The following ELF1 variants were observed in gnomAD, a reference collection of about 807,000 sequenced individuals.
ELF1 encodes the protein ETS-related transcription factor Elf-1.
Under a neutral mutation model 59.9 loss-of-function variants are expected in ELF1, and 24 were observed. The ratio of observed to expected loss-of-function variants is 0.40; its 90% confidence interval spans 0.29 to 0.56. The LOEUF (loss-of-function observed/expected upper bound fraction) is 0.56. Among genes scored for constraint, ELF1 ranks in the 20% least tolerant of loss-of-function variants. The probability of loss-of-function intolerance (pLI) is 0.44; values close to 1 mark genes in which losing one functional copy is unlikely to be tolerated. For synonymous variants in ELF1, 248 were observed against 266.2 expected, an observed-to-expected ratio of 0.93 and a Z score of 0.67; for missense variants, 627 against 742.2, an observed-to-expected ratio of 0.84 and a Z score of 1.80.
intron 3 of ELF1, among the ~76,000 whole-genome samples, chr13:40,953,879 C>T (rs529975654): frequency 4.6e-5 from 7 of 152,322 alleles, no homozygotes; most frequent in African/African-American, 1.4e-4. Flanking sequence ...AAAACACAAA[C>T]AGAGAATCTG....
At chr13:40,954,754 A>T (rs9566635) in intron 3 of ELF1, among the ~76,000 whole-genome samples, 61,476 of 149,486 alleles carry the variant, frequency 0.41, 14,441 homozygotes, top group East Asian at 0.76. Flanking sequence ...TCAGTGCTCA[A>T]TGGTGCCCAG....
At chr13:41,024,906 CCTAA>C (rs1398860060) in intron 1 of ELF1, among the ~76,000 whole-genome samples, 4 of 152,144 alleles carry the variant, frequency 2.6e-5, no homozygotes, top group East Asian at 1.9e-4. Flanking sequence ...ACAGTCTCCT[CCTAA>C]CTGACAGAAT....
intron 2 of ELF1, among the ~76,000 whole-genome samples, chr13:40,974,258 C>T (rs1234122637): frequency 6.6e-6 from 1 of 152,074 alleles, no homozygotes. Context: ...TGTAATTATA[C>T]TAATTAGCTA....
At chr13:41,044,598 T>C (rs187125055) in intron 1 of ELF1, among the ~76,000 whole-genome samples, 63 of 152,348 alleles carry the variant, frequency 4.1e-4, no homozygotes, top group Non-Finnish European at 1.2e-4. Flanking sequence ...ATTACGTTTA[T>C]TGATTTGCTT....
intron 1 of ELF1, among the ~76,000 whole-genome samples, chr13:41,013,406 T>C (rs1366483131): frequency 2.6e-5 from 4 of 152,104 alleles, no homozygotes. Flanking sequence ...TGGAATACTA[T>C]ATTGCAACGA....
rs139480978 is a variant in ELF1, at chr13:41,015,894, G to A, written c.-229+3334C>T. 1.5e-3 allele frequency among the ~76,000 whole-genome samples: 227 copies of A among 152,098 alleles called. 1 individual carries two copies. Among genetic ancestry groups the A allele is most frequent in the African/African-American group, 4.9e-3 (204 of 41,450 alleles). On this transcript the variant is annotated intron_variant, in intron 1 of 8. Transcript: ENST00000239882. Reference sequence around the variant, plus strand: ...AATACCTGTCTACTCATATGTGCTTGGTACTTTGTCAAAGGTTGAAAAAGA... The same window carrying A: ...AATACCTGTCTACTCATATGTGCTTAGTACTTTGTCAAAGGTTGAAAAAGA...
At position 40,940,934 on chromosome 13, in the gene ELF1, C is replaced by A; in HGVS notation, c.1243G>T (p.Val415Phe). The change falls in exon 8 of 9, where the codon GTT (valine) becomes TTT (phenylalanine). Residue 415 changes from valine (V) to phenylalanine (F), a missense_variant. Around this residue, in one of 3 missense-constraint regions of ELF1, gnomAD observed 361 missense variants for 396.1 expected, o/e 0.91. Transcript: ENST00000239882. ...TGGTTTTCTCACCTAATACTCTGAA[C>A]GGAAGAATTTAATGTTTCATCCTGC... ...TMQDETLNSS[V>F]QSIRTIQAPT... 3.7e-6 allele frequency: 6 copies of A among 1,612,290 alleles called. No individual in the cohort carries two copies. The highest frequency in any genetic ancestry group is 5.1e-6 in the Non-Finnish European group (6 of 1,179,000).
upstream of ELF1, among the ~76,000 whole-genome samples, chr13:41,022,479 G>A (rs551700208): frequency 6.6e-6 from 1 of 152,262 alleles, no homozygotes; most frequent in African/African-American, 2.4e-5. Flanking sequence ...CTTGACTGTG[G>A]TACCGGTATA....
At chr13:41,029,753 T>C (rs1051348155) in intron 1 of ELF1, among the ~76,000 whole-genome samples, 3 of 152,182 alleles carry the variant, frequency 2.0e-5, no homozygotes, top group Admixed American at 1.3e-4. Flanking sequence ...GCACCATCAA[T>C]TGGCTAAGGA....
chr13:41,012,013 A>T (rs1848380366), intron 1 of ELF1, among the ~76,000 whole-genome samples: 1 of 152,134 alleles, frequency 6.6e-6, no homozygotes, highest in African/African-American at 2.4e-5. Flanking sequence ...TACAGATAAA[A>T]ATGTATTATG....
At chr13:40,963,176 C>T (rs1193418096) in intron 2 of ELF1, among the ~76,000 whole-genome samples, 1 of 152,178 alleles carries the variant, frequency 6.6e-6, no homozygotes, top group African/African-American at 2.4e-5. Flanking sequence ...AAGTCATAAA[C>T]CTAACTTGAA....
chr13:41,009,575 G>T (rs369851890), intron 1 of ELF1, among the ~76,000 whole-genome samples: 1 of 152,118 alleles, frequency 6.6e-6, no homozygotes, highest in East Asian at 1.9e-4. Flanking sequence ...AAAACACAGG[G>T]GGGCTATTTG....
chr13:41,047,119 T>G (rs1421840921), intron 1 of ELF1, among the ~76,000 whole-genome samples: 1 of 152,260 alleles, frequency 6.6e-6, no homozygotes, highest in African/African-American at 2.4e-5. Context: ...GCCATGGTTT[T>G]CAGCTCCATC....
At chr13:41,051,934 CTTTTTTTTTTT>C (rs757348738) in intron 1 of ELF1, among the ~76,000 whole-genome samples, 1 of 127,250 alleles carries the variant, frequency 7.9e-6, no homozygotes, top group Non-Finnish European at 1.7e-5. Flanking sequence ...TTCTTTTTCT[CTTTTTTTTTTT>C]TTTTTTTTTG....
At chr13:40,955,752 CGCCCCGTCCGGG>C (rs1871327332) in intron 3 of ELF1, among the ~76,000 whole-genome samples, 3 of 128,732 alleles carry the variant, frequency 2.3e-5, no homozygotes, top group Non-Finnish European at 5.1e-5. Flanking sequence ...CCCGGCCAGC[CGCCCCGTCCGGG>C]AGGGAGGCGG....
At chr13:41,023,046 C>T (rs1259708836), upstream of ELF1, among the ~76,000 whole-genome samples, 1 of 152,134 alleles carries the variant, frequency 6.6e-6, no homozygotes, top group Non-Finnish European at 1.5e-5. Context: ...TGGATCAAGT[C>T]AGTATATACC....
chr13:41,020,905 TAA>T (rs1359578093), upstream of ELF1, among the ~76,000 whole-genome samples: 6 of 152,108 alleles, frequency 3.9e-5, no homozygotes, highest in East Asian at 1.2e-3. Context: ...CTGTAACAGG[TAA>T]AAGAGGGCAA....
intron 2 of ELF1, among the ~76,000 whole-genome samples, chr13:40,966,721 T>C (rs144646752): frequency 2.9e-3 from 445 of 152,310 alleles, no homozygotes; most frequent in African/African-American, 0.01. Flanking sequence ...GTTTACCAAG[T>C]TTCTCTAATA....
chr13:40,993,006 T>G, intron 1 of ELF1: 2 of 1,370,660 alleles, frequency 1.5e-6, no homozygotes, highest in Non-Finnish European at 2.1e-6. Context: ...GAAAAGTAGG[T>G]TCTCTTTGTT....
Sources: allele counts gnomAD v4.1 joint callset (sites outside exome capture counted in the v4.1 genomes callset), GRCh38; gene constraint gnomAD v4.1.1; regional missense constraint gnomAD v4.1.1; transcripts MANE v1.5; gene names NCBI Gene and HGNC (gene_info 2026-07-23, HGNC 2026-07-21).